The following ATP8A1 variants were observed in gnomAD, a reference collection of about 807,000 sequenced individuals.
ATP8A1 encodes phospholipid-transporting ATPase IA.
ATP8A1 carries 90 observed loss-of-function variants against 177.7 expected under a neutral mutation model. The observed-to-expected ratio is 0.51, with a 90% confidence interval of 0.43 to 0.60. The LOEUF is 0.60. Ranked by LOEUF, ATP8A1 falls within the 20% of genes least tolerant of loss-of-function variation. ATP8A1 has a pLI of 0.00. For missense variants in ATP8A1, 1,072 were observed against 1,392.8 expected (o/e 0.77, Z 3.67); for synonymous variants, 493 against 485.9 (o/e 1.01, Z -0.19).
At chr4:42,550,659 CAG>C (rs1729412444) in intron 18 of ATP8A1, among the ~76,000 whole-genome samples, 3 of 152,260 alleles carry the variant, frequency 2.0e-5, no homozygotes, top group East Asian at 3.9e-4. Flanking sequence ...TGGCCAGGTG[CAG>C]TGGTTCATGC....
chr4:42,414,886 G>C, intron 35 of ATP8A1, 168 bp from the exon 36 acceptor site: 1 of 599,088 alleles, frequency 1.7e-6, no homozygotes, highest in Non-Finnish European at 3.0e-6. Context: ...GAAATTTCAA[G>C]TATTTAGACA....
chr4:42,470,222 CT>C (rs1193706813), intron 25 of ATP8A1, among the ~76,000 whole-genome samples: 4 of 152,230 alleles, frequency 2.6e-5, no homozygotes, highest in Non-Finnish European at 5.9e-5. Flanking sequence ...TAGACGTGCA[CT>C]GAGTGCAATA....
At chr4:42,518,464 C>A (rs2153197461) in intron 22 of ATP8A1, among the ~76,000 whole-genome samples, 1 of 152,262 alleles carries the variant, frequency 6.6e-6, no homozygotes, top group East Asian at 1.9e-4. Flanking sequence ...ACAAGCCCTG[C>A]CTGGAGCACC....
At chr4:42,559,456 CA>C (rs1187701406) in intron 15 of ATP8A1, among the ~76,000 whole-genome samples, 2 of 151,940 alleles carry the variant, frequency 1.3e-5, no homozygotes. Context: ...ATCATTGTGG[CA>C]AAAATAAAAC....
At chr4:42,607,006 G>A (rs1428077271) in intron 5 of ATP8A1, among the ~76,000 whole-genome samples, 1 of 152,190 alleles carries the variant, frequency 6.6e-6, no homozygotes, top group African/African-American at 2.4e-5. Context: ...GAAGGCTGTA[G>A]TGGTCTGGAT....
intron 22 of ATP8A1, among the ~76,000 whole-genome samples, chr4:42,510,811 T>C (rs943927543): frequency 6.6e-6 from 1 of 152,062 alleles, no homozygotes; most frequent in Admixed American, 6.6e-5. Context: ...CACATTGAAA[T>C]CATATTTGAA....
At chr4:42,464,562 A>T in intron 27 of ATP8A1, 128 bp downstream of exon 27, 1 of 592,840 alleles carries the variant, frequency 1.7e-6, no homozygotes, top group Non-Finnish European at 2.9e-6. Context: ...TTGTTTTAAT[A>T]CATTTAGAAT....
chr4:42,647,974 G>C (rs1378458837), intron 1 of ATP8A1, among the ~76,000 whole-genome samples: 1 of 152,040 alleles, frequency 6.6e-6, no homozygotes, highest in Non-Finnish European at 1.5e-5. Context: ...TTTGCTTTAA[G>C]ACATACAATA....
intron 1 of ATP8A1, among the ~76,000 whole-genome samples, chr4:42,628,021 G>T (rs1405747600): frequency 2.0e-5 from 3 of 152,210 alleles, no homozygotes; most frequent in South Asian, 4.1e-4. Context: ...TTACCAGAAG[G>T]TTTTGTTGCT....
chr4:42,518,538 G>C (rs1725797059), intron 22 of ATP8A1, among the ~76,000 whole-genome samples: 1 of 152,152 alleles, frequency 6.6e-6, no homozygotes, highest in Non-Finnish European at 1.5e-5. Flanking sequence ...TCTTACTCCA[G>C]CCAAAGCAGT....
rs567268132 is a variant in ATP8A1 at position 42,495,744 on chromosome 4, C to T, written c.2151+7706G>A. ...CCAATATAAAGTAATTTTTCCAAAA[C>T]GGGTAAGGCAGACAGAAGGTGAAGT... On this transcript the variant is annotated intron_variant, in intron 24 of 36. Coordinates refer to ENST00000381668, the MANE Select transcript of ATP8A1 (RefSeq NM_006095.2). Among the ~76,000 whole-genome samples, 10 of 151,588 alleles carry T rather than the reference C, an allele frequency of 6.6e-5. No homozygotes were observed. The East Asian group carries it at 7.7e-4, about 12-fold the overall frequency.
At chr4:42,576,227 T>A (rs951745974) in intron 12 of ATP8A1, among the ~76,000 whole-genome samples, 1 of 151,816 alleles carries the variant, frequency 6.6e-6, no homozygotes, top group Non-Finnish European at 1.5e-5. Flanking sequence ...ATCCCAGCAC[T>A]TTGGGAGGCC....
At chr4:42,472,376 T>C in intron 25 of ATP8A1, 2 of 373,264 alleles carry the variant, frequency 5.4e-6, no homozygotes, top group Non-Finnish European at 5.2e-6. Context: ...GAGTTTCCAT[T>C]GTAAACAAAA....
chr4:42,475,385 C>T (rs947127265), intron 25 of ATP8A1, among the ~76,000 whole-genome samples: 2 of 151,330 alleles, frequency 1.3e-5, no homozygotes, highest in Non-Finnish European at 2.9e-5. Context: ...GCATTGTTAA[C>T]CACTATATTA....
intron 14 of ATP8A1, among the ~76,000 whole-genome samples, chr4:42,570,417 A>G (rs1731784779): frequency 6.6e-6 from 1 of 152,216 alleles, no homozygotes; most frequent in South Asian, 2.1e-4. Context: ...GATCAGCCTC[A>G]AGGCTTGGAC....
chr4:42,484,833 CACAAAAGAGG>C (rs1199038630), intron 25 of ATP8A1, among the ~76,000 whole-genome samples: 3 of 152,058 alleles, frequency 2.0e-5, no homozygotes, highest in African/African-American at 7.2e-5. Context: ...TCATGGTGAT[CACAAAAGAGG>C]AGACTGGGCA....
intron 16 of ATP8A1, among the ~76,000 whole-genome samples, chr4:42,553,183 T>C (rs976814672): frequency 1.3e-5 from 2 of 152,216 alleles, no homozygotes; most frequent in African/African-American, 2.4e-5. Flanking sequence ...TGTTGTCAAA[T>C]AGAAATAGTA....
chr4:42,632,544 T>C (rs759909016), intron 1 of ATP8A1, among the ~76,000 whole-genome samples: 3 of 152,196 alleles, frequency 2.0e-5, no homozygotes, highest in Non-Finnish European at 2.9e-5. Context: ...AATTTCAGTA[T>C]AGGGAATAGT....
At chr4:42,571,432 A>G (rs938677893) in intron 14 of ATP8A1, among the ~76,000 whole-genome samples, 7 of 151,948 alleles carry the variant, frequency 4.6e-5, no homozygotes, top group Non-Finnish European at 7.4e-5. Context: ...TATCTTGTTA[A>G]GCCTCATCCA....
Sources: gnomAD v4.1 joint callset for allele counts (sites outside exome capture counted in the v4.1 genomes callset) on GRCh38, gnomAD v4.1.1 for gene constraint, MANE v1.5 for transcripts, NCBI Gene and HGNC (gene_info 2026-07-23, HGNC 2026-07-21) for gene names.